The following PRKD1 variants were observed in gnomAD, a reference collection of about 807,000 sequenced individuals.
The protein encoded by PRKD1 is protein kinase D1.
A neutral mutation model predicts 95.9 loss-of-function variants in PRKD1; 63 were observed. That is an observed-to-expected ratio of 0.66 (90% CI 0.54 to 0.81). The LOEUF (loss-of-function observed/expected upper bound fraction) is 0.81. Ranked by LOEUF, PRKD1 falls within the 30% of genes least tolerant of loss-of-function variation. The pLI is 0.00. For synonymous variants in PRKD1, 425 were observed against 423.1 expected (o/e 1.00, Z -0.05); for missense variants, 1,048 against 1,165.3 (o/e 0.90, Z 1.47).
chr14:29,776,422 A>G (rs1403613347), intron 1 of PRKD1, among the ~76,000 whole-genome samples: 1 of 152,182 alleles, frequency 6.6e-6, no homozygotes, highest in Non-Finnish European at 1.5e-5. Context: ...ATGGCTAACT[A>G]GAATAAGTAG....
chr14:29,825,501 C>T (rs898137121), intron 1 of PRKD1, among the ~76,000 whole-genome samples: 4 of 149,104 alleles, frequency 2.7e-5, no homozygotes, highest in Non-Finnish European at 4.5e-5. Flanking sequence ...GCACACATTT[C>T]AGTGGGGTCG....
At chr14:29,607,178 C>G (rs546400111) in intron 13 of PRKD1, among the ~76,000 whole-genome samples, 4 of 152,278 alleles carry the variant, frequency 2.6e-5, no homozygotes, top group Non-Finnish European at 5.9e-5. Context: ...AGTTTGATAA[C>G]TGAAAGTTTA....
At chr14:29,797,224 AG>A (rs1464192382) in intron 1 of PRKD1, among the ~76,000 whole-genome samples, 1 of 152,198 alleles carries the variant, frequency 6.6e-6, no homozygotes, top group East Asian at 1.9e-4. Flanking sequence ...CTTCAAGAAC[AG>A]GTGAAAATGC....
intron 4 of PRKD1, among the ~76,000 whole-genome samples, chr14:29,640,462 C>T (rs893773523): frequency 3.3e-5 from 5 of 152,118 alleles, no homozygotes; most frequent in African/African-American, 1.2e-4. Context: ...GAATATTAGG[C>T]CTACAGTTAC....
chr14:29,820,572 G>A (rs1890872972), intron 1 of PRKD1, among the ~76,000 whole-genome samples: 1 of 152,136 alleles, frequency 6.6e-6, no homozygotes, highest in South Asian at 2.1e-4. Flanking sequence ...ACAAGAGAAT[G>A]GCAGGAAGTC....
rs1002922897 is a variant in PRKD1 at position 29,588,151 on chromosome 14, G to A, written c.2434+9340C>T. ...GACAATTGTCTTTCTTTTGTTTCGCGTACCATTGGATTTCTGGGTCTCATC... is the reference window on the plus strand; with the variant it reads ...GACAATTGTCTTTCTTTTGTTTCGCATACCATTGGATTTCTGGGTCTCATC... On this transcript the variant is annotated intron_variant, in intron 16 of 17. Coordinates refer to ENST00000331968, the MANE Select transcript of PRKD1 (RefSeq NM_002742.3). Among the ~76,000 whole-genome samples the A allele has an allele frequency of 2.6e-5, 4 of 152,180 alleles. No homozygotes were observed. In the East Asian group the frequency reaches 5.8e-4, roughly 22 times the overall value.
At chr14:29,794,408 G>T (rs530709781) in intron 1 of PRKD1, among the ~76,000 whole-genome samples, 38 of 151,302 alleles carry the variant, frequency 2.5e-4, no homozygotes, top group African/African-American at 8.7e-4. Flanking sequence ...TTTTTGAGGG[G>T]GTGGCAATTC....
intron 1 of PRKD1, among the ~76,000 whole-genome samples, chr14:29,859,254 G>A (rs1037380241): frequency 3.9e-5 from 6 of 152,032 alleles, no homozygotes; most frequent in African/African-American, 1.2e-4. Flanking sequence ...GGTGGATCAC[G>A]AGGTCAGGAG....
At chr14:29,590,846 A>G (rs1394529369) in intron 16 of PRKD1, among the ~76,000 whole-genome samples, 1 of 152,098 alleles carries the variant, frequency 6.6e-6, no homozygotes, top group Non-Finnish European at 1.5e-5. Flanking sequence ...GCTGGAGTGC[A>G]GAGGCACTTG....
chr14:29,850,077 A>G (rs187522701), intron 1 of PRKD1, among the ~76,000 whole-genome samples: 1 of 152,334 alleles, frequency 6.6e-6, no homozygotes, highest in African/African-American at 2.4e-5. Context: ...ACTGATGACA[A>G]ACCCACAGCC....
chr14:29,730,929 T>G (rs555191734), intron 1 of PRKD1, among the ~76,000 whole-genome samples: 2 of 152,106 alleles, frequency 1.3e-5, no homozygotes, highest in African/African-American at 4.8e-5. Flanking sequence ...AGATATCTAT[T>G]GTATAATGAG....
At chr14:29,869,909 C>A (rs534900341) in intron 1 of PRKD1, among the ~76,000 whole-genome samples, 2 of 152,216 alleles carry the variant, frequency 1.3e-5, no homozygotes, top group East Asian at 1.9e-4. Context: ...GGGTGACTGG[C>A]GAGAGGTGGG....
chr14:29,705,155 A>G (rs72677461), intron 2 of PRKD1, among the ~76,000 whole-genome samples: 2,384 of 152,174 alleles, frequency 0.016, 28 homozygotes, highest in South Asian at 0.065. Context: ...AATAACCACT[A>G]TCCTTATTTT....
At chr14:29,744,974 T>G (rs1362614103) in intron 1 of PRKD1, among the ~76,000 whole-genome samples, 1 of 152,140 alleles carries the variant, frequency 6.6e-6, no homozygotes, top group Admixed American at 6.5e-5. Flanking sequence ...CACCTCATCT[T>G]CTTCTACCTC....
At chr14:29,735,783 T>C (rs1342933224) in intron 1 of PRKD1, among the ~76,000 whole-genome samples, 1 of 152,234 alleles carries the variant, frequency 6.6e-6, no homozygotes, top group Non-Finnish European at 1.5e-5. Context: ...CCTCACATTT[T>C]GTGTGATGCC....
At chr14:29,927,013 T>C (rs1895324557) in intron 1 of PRKD1, among the ~76,000 whole-genome samples, 1 of 151,882 alleles carries the variant, frequency 6.6e-6, no homozygotes, top group South Asian at 2.1e-4. Flanking sequence ...GGCGGCGGAC[T>C]GGAGAGAAAT....
intron 2 of PRKD1, among the ~76,000 whole-genome samples, chr14:29,680,701 C>T (rs942628869): frequency 2.0e-5 from 3 of 152,134 alleles, no homozygotes; most frequent in African/African-American, 7.2e-5. Flanking sequence ...ACTCCATCGG[C>T]AGAAGCAAAT....
In PRKD1 at chr14:29,841,804, A is replaced by T. The variant is rs144125006; in HGVS notation, c.264+85445T>A. On this transcript the variant is annotated intron_variant, in intron 1 of 17. Coordinates refer to ENST00000331968, the MANE Select transcript of PRKD1 (RefSeq NM_002742.3). ...TTACTGTGACTGTTTTTACTTTTTA[A>T]ATTTTTTAATTTTAACTTTTAAAAC... Among the ~76,000 whole-genome samples, 184 of 152,090 alleles carry T rather than the reference A, an allele frequency of 1.2e-3. 2 individuals carry two copies. The East Asian group carries it at 0.027, about 22-fold the overall frequency.
At chr14:29,914,708 G>A (rs1440796300) in intron 1 of PRKD1, among the ~76,000 whole-genome samples, 1 of 152,068 alleles carries the variant, frequency 6.6e-6, no homozygotes, top group African/African-American at 2.4e-5. Context: ...CCAGTCTGGG[G>A]GACAGAGCAA....
Sources: allele counts gnomAD v4.1 joint callset (sites outside exome capture counted in the v4.1 genomes callset), GRCh38; gene constraint gnomAD v4.1.1; transcripts MANE v1.5; gene names NCBI Gene and HGNC (gene_info 2026-07-23, HGNC 2026-07-21).